Variants in SYNE1 observed in about 807,000 individuals in gnomAD.
SYNE1 encodes nesprin-1.
In SYNE1, 616 loss-of-function variants were observed where a neutral mutation model predicts 1,111.0. The ratio of observed to expected loss-of-function variants is 0.55; its 90% CI spans 0.52 to 0.59. The LOEUF is 0.59. Ranked by LOEUF, SYNE1 falls within the 20% of genes least tolerant of loss-of-function variation. SYNE1 has a pLI of 0.00. For synonymous variants in SYNE1, 3,855 were observed against 3,825.8 expected, an observed-to-expected ratio of 1.01 and a Z score of -0.28; for missense variants, 10,006 against 10,417.0, an observed-to-expected ratio of 0.96 and a Z score of 1.72.
At chr6:152,346,738 A>G (rs926473268) in intron 73 of SYNE1, among the ~76,000 whole-genome samples, 1 of 152,072 alleles carries the variant, frequency 6.6e-6, no homozygotes, top group Admixed American at 6.5e-5. Flanking sequence ...TGAACCTGGG[A>G]GGCGGAGCTT....
intron 14 of SYNE1, among the ~76,000 whole-genome samples, chr6:152,479,652 T>C (rs183388156): frequency 7.2e-5 from 11 of 152,312 alleles, no homozygotes; most frequent in African/African-American, 2.4e-4. Context: ...ATCAAATACT[T>C]AGGACTGAAA....
intron 3 of SYNE1, among the ~76,000 whole-genome samples, chr6:152,606,509 ATG>A (rs1355971530): frequency 1.3e-5 from 2 of 152,228 alleles, no homozygotes; most frequent in African/African-American, 4.8e-5. Flanking sequence ...CTCAATTTAT[ATG>A]TGTCATAGGA....
chr6:152,155,840 A>C (rs2152951110), intron 132 of SYNE1, 70 bp downstream of exon 132: 1 of 1,576,634 alleles, frequency 6.3e-7, no homozygotes, highest in Non-Finnish European at 8.7e-7. Context: ...TGAACAGTGG[A>C]TACTCTGGGT....
At chr6:152,552,401 T>C (rs2099350277) in intron 3 of SYNE1, among the ~76,000 whole-genome samples, 1 of 151,224 alleles carries the variant, frequency 6.6e-6, no homozygotes, top group African/African-American at 2.4e-5. Context: ...GATCTAAATG[T>C]TCCTTCTCTC....
intron 14 of SYNE1, among the ~76,000 whole-genome samples, chr6:152,476,207 C>G (rs988245362): frequency 1.4e-4 from 21 of 152,300 alleles, no homozygotes; most frequent in African/African-American, 5.1e-4. Context: ...CTATTGCTTA[C>G]TCCACATATC....
chr6:152,612,151 C>A (rs1437382232), intron 3 of SYNE1, among the ~76,000 whole-genome samples: 2 of 151,070 alleles, frequency 1.3e-5, no homozygotes, highest in Admixed American at 1.3e-4. Context: ...AAGATCAGAG[C>A]AGAACTGGAA....
chr6:152,589,680 C>A (rs1184801745), intron 3 of SYNE1, among the ~76,000 whole-genome samples: 1 of 152,140 alleles, frequency 6.6e-6, no homozygotes, highest in Non-Finnish European at 1.5e-5. Flanking sequence ...AGGGACTCCC[C>A]TTTAGAGAGG....
chr6:152,502,278 C>T (rs2099034056), intron 10 of SYNE1, among the ~76,000 whole-genome samples: 1 of 152,078 alleles, frequency 6.6e-6, no homozygotes, highest in Non-Finnish European at 1.5e-5. Context: ...ATCAGATCAA[C>T]CAGAGCGAGG....
intron 101 of SYNE1, among the ~76,000 whole-genome samples, chr6:152,257,717 C>G (rs532586690): frequency 2.0e-5 from 3 of 151,714 alleles, no homozygotes; most frequent in Non-Finnish European, 4.4e-5. Flanking sequence ...AAAGTAAATC[C>G]AAATTTTAAA....
chr6:152,349,293 T>C (rs2096700467), intron 72 of SYNE1, among the ~76,000 whole-genome samples: 1 of 152,274 alleles, frequency 6.6e-6, no homozygotes, highest in South Asian at 2.1e-4. Flanking sequence ...GCCTATCACC[T>C]ATATCAAAGA....
intron 48 of SYNE1, among the ~76,000 whole-genome samples, chr6:152,399,261 T>C (rs2097776810): frequency 6.6e-6 from 1 of 152,166 alleles, no homozygotes; most frequent in Admixed American, 6.5e-5. Context: ...TGTCACTTCA[T>C]CATAGCATAA....
At position 152,247,727 on chromosome 6, in the gene SYNE1, T is replaced by TTATATATA. The variant is rs1183787546; in HGVS notation, c.19572+1426_19572+1433dup. 5.6e-3 allele frequency among the ~76,000 whole-genome samples: 659 copies of TTATATATA among 117,672 alleles called. 4 individuals are homozygous for TTATATATA. Among genetic ancestry groups the TTATATATA allele is most frequent in the Middle Eastern group, 0.021 (5 of 238 alleles). The allele number at this position is 117,672 out of a possible 152,430, so 77.2% of individuals were successfully genotyped here. ...TCCATATTAAAATATATATTTTTTA[T>TTATATATA]TATATATATATATATATATATATAC... On this transcript the variant is annotated intron_variant, in intron 105 of 145. Transcript: ENST00000367255.
chr6:152,526,208 T>C (rs1187722254), intron 4 of SYNE1, 33 bp from the exon 5 acceptor site: 1 of 1,591,754 alleles, frequency 6.3e-7, no homozygotes, highest in South Asian at 1.1e-5. Context: ...GTGCAGAAAA[T>C]ATCTCTTCCC....
intron 3 of SYNE1, among the ~76,000 whole-genome samples, chr6:152,601,286 GTCAAGGCCATGA>G (rs1342953751): frequency 1.3e-5 from 2 of 152,176 alleles, no homozygotes; most frequent in Admixed American, 6.5e-5. Context: ...TGTGATCATT[GTCAAGGCCATGA>G]TCAATAGTAG....
chr6:152,598,114 T>C (rs1399448421), intron 3 of SYNE1, among the ~76,000 whole-genome samples: 1 of 152,252 alleles, frequency 6.6e-6, no homozygotes, highest in Admixed American at 6.5e-5. Flanking sequence ...TTTGGCTGTG[T>C]CCCCACCCAA....
intron 3 of SYNE1, among the ~76,000 whole-genome samples, chr6:152,627,754 A>G (rs931289192): frequency 2.0e-5 from 3 of 152,174 alleles, no homozygotes; most frequent in Non-Finnish European, 4.4e-5. Flanking sequence ...TGCCACGAAC[A>G]ATTCATCTTA....
At chr6:152,303,206 C>A (rs1589640372) in intron 91 of SYNE1, among the ~76,000 whole-genome samples, 1 of 148,214 alleles carries the variant, frequency 6.7e-6, no homozygotes, top group African/African-American at 2.5e-5. Flanking sequence ...GTAATCCTAG[C>A]ACTTTGTGAG....
chr6:152,402,279 C>T (rs764090388), intron 46 of SYNE1: 12 of 152,276 alleles, frequency 7.9e-5, no homozygotes, highest in East Asian at 1.9e-4. Flanking sequence ...TCCCTAGACA[C>T]GACAGTGCGC....
chr6:152,538,046 C>T (rs1369509171), intron 4 of SYNE1, among the ~76,000 whole-genome samples: 1 of 152,174 alleles, frequency 6.6e-6, no homozygotes, highest in Non-Finnish European at 1.5e-5. Context: ...ACAAGCTCAT[C>T]ACTGCCATTA....
Sources: allele counts gnomAD v4.1 joint callset (sites outside exome capture counted in the v4.1 genomes callset), GRCh38; gene constraint gnomAD v4.1.1; transcripts MANE v1.5; gene names NCBI Gene and HGNC (gene_info 2026-07-23, HGNC 2026-07-21).